RAB3GAP2: variants seen among roughly 807,000 people sequenced by gnomAD.
RAB3GAP2 encodes the protein RAB3 GTPase activating non-catalytic protein subunit 2.
RAB3GAP2 carries 87 observed loss-of-function variants against 185.3 expected under a neutral mutation model. The observed-to-expected ratio is 0.47, with a 90% confidence interval of 0.39 to 0.56. RAB3GAP2 has a LOEUF of 0.56. RAB3GAP2 is among the 20% of genes least tolerant of loss of function. RAB3GAP2 has a pLI of 0.00. For missense variants in RAB3GAP2, 1,492 were observed against 1,638.2 expected (o/e 0.91, Z 1.54); for synonymous variants, 554 against 576.1 (o/e 0.96, Z 0.55).
intron 1 of RAB3GAP2, among the ~76,000 whole-genome samples, chr1:220,248,399 G>T (rs1659859022): frequency 6.6e-6 from 1 of 151,936 alleles, no homozygotes; most frequent in African/African-American, 2.4e-5. Flanking sequence ...TATGTAAGGT[G>T]ATTGTAACAA....
At chr1:220,243,785 C>T (rs536944309) in intron 1 of RAB3GAP2, among the ~76,000 whole-genome samples, 5 of 152,136 alleles carry the variant, frequency 3.3e-5, no homozygotes, top group Non-Finnish European at 7.4e-5. Flanking sequence ...CAGAAAATAC[C>T]TTTGTCCCCT....
At chr1:220,193,515 GTTAA>G in intron 12 of RAB3GAP2, 136 bp from the exon 13 acceptor site, 1 of 837,044 alleles carries the variant, frequency 1.2e-6, no homozygotes, top group Non-Finnish European at 1.8e-6. Context: ...TGGATTAATA[GTTAA>G]TTTATTAATC....
Position 220,191,253 on chromosome 1 carries a change from T to C in RAB3GAP2, c.1302A>G (p.Gln434=), listed in dbSNP as rs1046161039. 6.8e-6 allele frequency: 11 copies of C among 1,612,974 alleles called. No individual in the cohort carries two copies. The African/African-American group carries it at 1.5e-4, about 22-fold the overall frequency. Residue 434 remains glutamine, a synonymous_variant, in exon 14 of 35, where the codon CAA becomes CAG. Coordinates refer to ENST00000358951, the MANE Select transcript of RAB3GAP2 (RefSeq NM_012414.4). ...CTCTTTCATGGAGGTCCTCTACAGT[T>C]TGAATCCATCCAATTTGTGCGTCGC... ...GYRDAQIGWI[Q]TVEDLHERVP...
chr1:220,165,856 T>C (rs1408886596), intron 26 of RAB3GAP2, among the ~76,000 whole-genome samples: 1 of 152,228 alleles, frequency 6.6e-6, no homozygotes, highest in Non-Finnish European at 1.5e-5. Flanking sequence ...ACAAGCTCTA[T>C]GCAGCAACCA....
Position 220,210,486 on chromosome 1 carries a change from C to A in RAB3GAP2, c.514G>T (p.Gly172Cys), listed in dbSNP as rs1659059799. The A allele has an allele frequency of 6.2e-7, 1 of 1,612,294 alleles. No individual in the cohort carries two copies. The highest frequency in any genetic ancestry group is 1.7e-5 in the Admixed American group (1 of 59,992). The change falls in exon 7 of 35, where the codon GGT (glycine) becomes TGT (cysteine). Residue 172 changes from glycine (G) to cysteine (C), a missense_variant. Around this residue, in one of 5 missense-constraint regions of RAB3GAP2, gnomAD observed 243 missense variants for 314.8 expected, o/e 0.77. Transcript: ENST00000358951. ...AAAAGCTGTGCAAGCAAGAGCACAC[C>A]ATTCTAGGAGGAAGCACAGAGAAGG... ...SGYVRFYTEN[G>C]VLLLAQLLNE...
At chr1:220,163,358 G>GT (rs1196341653) in intron 27 of RAB3GAP2, among the ~76,000 whole-genome samples, 1 of 151,268 alleles carries the variant, frequency 6.6e-6, no homozygotes, top group Non-Finnish European at 1.5e-5. Context: ...AAGTCAGTTA[G>GT]TAACTTAATT....
chr1:220,233,761 C>A (rs764672271), intron 1 of RAB3GAP2, among the ~76,000 whole-genome samples: 1 of 151,950 alleles, frequency 6.6e-6, no homozygotes, highest in African/African-American at 2.4e-5. Flanking sequence ...AGTACAATAG[C>A]GCAATCTTGG....
chr1:220,170,849 CA>C, intron 24 of RAB3GAP2, 42 bp downstream of exon 24: 1 of 1,496,976 alleles, frequency 6.7e-7, no homozygotes. Context: ...ACCCTCGTAA[CA>C]TAAAAAAATG....
At chr1:220,151,837 C>T in intron 33 of RAB3GAP2, 73 bp from the exon 34 acceptor site, 1 of 1,452,716 alleles carries the variant, frequency 6.9e-7, no homozygotes, top group Non-Finnish European at 9.6e-7. Flanking sequence ...AAAGGGGTTG[C>T]CAGTGAAGAG....
intron 8 of RAB3GAP2, 62 bp downstream of exon 8, chr1:220,205,845 G>A: frequency 3.3e-6 from 4 of 1,195,940 alleles, no homozygotes; most frequent in Non-Finnish European, 4.9e-6. Flanking sequence ...AATTCCATAA[G>A]CAGGTGAAAT....
intron 7 of RAB3GAP2, chr1:220,207,515 G>A (rs952385809): frequency 2.6e-5 from 4 of 152,118 alleles, no homozygotes; most frequent in Admixed American, 6.6e-5. Flanking sequence ...CTGTCAGGCT[G>A]TTTCTCTTTT....
Position 220,210,317 on chromosome 1 carries a change from C to G in RAB3GAP2, c.612+71G>C. On this transcript the variant is annotated intron_variant, in intron 7 of 34. Coordinates refer to ENST00000358951, the MANE Select transcript of RAB3GAP2 (RefSeq NM_012414.4). ...ACAAAGATCTCTTTTAAGTTTCTAC[C>G]TAAAAAAGAGGAGAGAAACTGCTTC... 3 of 1,120,702 alleles carry G rather than the reference C, an allele frequency of 2.7e-6. No individual in the cohort carries two copies. In the South Asian group the frequency reaches 3.7e-5, roughly 14 times the overall value. 69.4% of individuals were successfully genotyped at this position (1,120,702 alleles called of 1,614,324 possible).
At chr1:220,217,904 T>A (rs1659227837) in intron 2 of RAB3GAP2, among the ~76,000 whole-genome samples, 1 of 152,158 alleles carries the variant, frequency 6.6e-6, no homozygotes, top group South Asian at 2.1e-4. Context: ...TAAAACTCGG[T>A]GTCAGATTAT....
intron 27 of RAB3GAP2, 45 bp from the exon 28 acceptor site, chr1:220,162,313 C>A (rs1197110789): frequency 7.7e-7 from 1 of 1,297,198 alleles, no homozygotes; most frequent in Non-Finnish European, 1.1e-6. Context: ...TATATAGTCT[C>A]ACTTTTATTA....
intron 17 of RAB3GAP2, among the ~76,000 whole-genome samples, chr1:220,188,837 G>C (rs1475662010): frequency 6.6e-6 from 1 of 152,152 alleles, no homozygotes; most frequent in Non-Finnish European, 1.5e-5. Flanking sequence ...AGCAGAATTT[G>C]TATGGCATAG....
chr1:220,253,738 G>A, intron 1 of RAB3GAP2: 1 of 1,611,684 alleles, frequency 6.2e-7, no homozygotes, highest in Non-Finnish European at 8.5e-7. Flanking sequence ...GGATGAGTGG[G>A]TTCCGGAGAG....
intron 17 of RAB3GAP2, among the ~76,000 whole-genome samples, chr1:220,186,077 T>C (rs906669675): frequency 2.0e-5 from 3 of 152,174 alleles, no homozygotes; most frequent in African/African-American, 4.8e-5. Flanking sequence ...CTATACTATA[T>C]AGGCATAAAC....
chr1:220,168,509 T>A (rs1378330546), intron 24 of RAB3GAP2, among the ~76,000 whole-genome samples: 1 of 152,074 alleles, frequency 6.6e-6, no homozygotes, highest in Non-Finnish European at 1.5e-5. Context: ...GGGATTATCC[T>A]GTCTCAGGCT....
Position 220,151,119 on chromosome 1 carries a change from CT to C in RAB3GAP2, c.*131del. 1.0e-6 allele frequency: 1 copy of C among 958,766 alleles called. No individual in the cohort carries two copies. Among genetic ancestry groups the C allele is most frequent in the Non-Finnish European group, 1.5e-6 (1 of 651,228 alleles). 59.4% of individuals were successfully genotyped at this position (958,766 alleles called of 1,614,324 possible). A position where few individuals can be genotyped will look rare whatever the true frequency, so the allele number is the denominator to read the frequency against. On this transcript the variant is annotated 3_prime_UTR_variant, in exon 35 of 35. Coordinates refer to ENST00000358951, the MANE Select transcript of RAB3GAP2 (RefSeq NM_012414.4). The stretch of plus-strand genomic sequence containing the variant: ...TTGCACTTTTTAAAAGTTGTATATA[CT>C]TTTATTTATTTTACAAAAGGAAAAA...
Sources: allele counts gnomAD v4.1 joint callset (sites outside exome capture counted in the v4.1 genomes callset), GRCh38; gene constraint gnomAD v4.1.1; regional missense constraint gnomAD v4.1.1; transcripts MANE v1.5; gene names NCBI Gene and HGNC (gene_info 2026-07-23, HGNC 2026-07-21).